Variants in RYR3 observed in about 807,000 individuals in gnomAD.
The protein encoded by RYR3 is brain ryanodine receptor-calcium release channel.
A neutral mutation model predicts 584.3 loss-of-function variants in RYR3; 207 were observed. The observed-to-expected ratio is 0.35, with a 90% CI of 0.32 to 0.40. RYR3 has a LOEUF of 0.40. Among genes scored for constraint, RYR3 ranks in the 10% least tolerant of loss-of-function variants. The pLI, the probability that RYR3 is intolerant of heterozygous loss-of-function variation, is 1.00. For missense variants in RYR3, 5,616 were observed against 6,089.2 expected (o/e 0.92, Z 2.59); for synonymous variants, 2,416 against 2,248.5 (o/e 1.07, Z -2.11).
chr15:33,435,301 T>A (rs74244038), intron 1 of RYR3, among the ~76,000 whole-genome samples: 20,131 of 151,802 alleles, frequency 0.13, 1,572 homozygotes, highest in East Asian at 0.34. Context: ...TGTGTCATAC[T>A]CTCTGTATTT....
rs760323861 is a variant in RYR3, at chr15:33,818,627, C to A, written c.10649C>A (p.Pro3550His). Residue 3550 changes from proline (P) to histidine (H), a missense_variant, in exon 76 of 104, where the codon CCT becomes CAT. Coordinates refer to ENST00000634891, the MANE Select transcript of RYR3 (RefSeq NM_001036.6). ...EEEEEETEKQ[P>H]DPLHQIILYF... ...GAGGAGGAAGAGACAGAAAAACAAC[C>A]TGACCCACTACATCAGATCATTCTC... 1.2e-6 allele frequency: 2 copies of A among 1,613,964 alleles called. No individual in the cohort carries two copies. Among genetic ancestry groups the A allele is most frequent in the Middle Eastern group, 1.7e-4 (1 of 6,060 alleles).
intron 8 of RYR3, among the ~76,000 whole-genome samples, chr15:33,545,369 G>C (rs1377430248): frequency 6.6e-6 from 1 of 152,180 alleles, no homozygotes; most frequent in Non-Finnish European, 1.5e-5. Context: ...GATGGGAAGA[G>C]TGAAGTAGAT....
chr15:33,473,249 G>C lies in RYR3; in HGVS notation c.52-170G>C, dbSNP rs916656608. On this transcript the variant is annotated intron_variant, in intron 1 of 103. Coordinates refer to ENST00000634891, the MANE Select transcript of RYR3 (RefSeq NM_001036.6). ...TTCTGACTCACGGTAGATGCTCCGT[G>C]ATGTCCTGTGAATAAAAAATCTCCT... 8 of 809,784 alleles carry C rather than the reference G, an allele frequency of 9.9e-6. No individual in the cohort carries two copies. In the African/African-American group the frequency reaches 1.2e-4, roughly 12 times the overall value. 50.2% of individuals were successfully genotyped at this position (809,784 alleles called of 1,614,324 possible).
intron 87 of RYR3, among the ~76,000 whole-genome samples, chr15:33,835,447 C>T (rs551594697): frequency 6.6e-6 from 1 of 152,304 alleles, no homozygotes; most frequent in African/African-American, 2.4e-5. Context: ...CTGTAATCCA[C>T]ATCCCTCTTC....
In RYR3 at chr15:33,819,780, C is replaced by T. The variant is rs1029342661; in HGVS notation, c.10731C>T (p.Tyr3577=). The T allele has an allele frequency of 3.2e-6, 5 of 1,580,900 alleles. No individual in the cohort carries two copies. The African/African-American group carries it at 4.0e-5, about 13-fold the overall frequency. The change falls in exon 77 of 104, where the codon TAC becomes TAT. Residue 3577 remains tyrosine, a synonymous_variant. Coordinates refer to ENST00000634891, the MANE Select transcript of RYR3 (RefSeq NM_001036.6). ...GCAAATTGGAAGACGACCCTTTGTA[C>T]ACCTCCTATTCCAGCATGATGGCCA... The part of the protein sequence containing the change: ...ERSKLEDDPL[Y]TSYSSMMAKS...
chr15:33,358,818 C>T (rs926497755), intron 1 of RYR3, among the ~76,000 whole-genome samples: 2 of 152,166 alleles, frequency 1.3e-5, no homozygotes, highest in Non-Finnish European at 2.9e-5. Flanking sequence ...TCCTGAGGGA[C>T]GATGAGTGTT....
intron 1 of RYR3, among the ~76,000 whole-genome samples, chr15:33,315,771 G>T (rs1160544490): frequency 6.6e-6 from 1 of 152,202 alleles, no homozygotes; most frequent in Non-Finnish European, 1.5e-5. Context: ...CAGCAGTAGG[G>T]GGGTGGTGGC....
intron 12 of RYR3, among the ~76,000 whole-genome samples, chr15:33,568,609 T>C (rs1357378217): frequency 6.6e-6 from 1 of 152,190 alleles, no homozygotes; most frequent in African/African-American, 2.4e-5. Context: ...TTTTTAATTT[T>C]TTGTAGAGAT....
At chr15:33,748,554 A>T in intron 55 of RYR3, 24 bp downstream of exon 55, 1 of 1,600,840 alleles carries the variant, frequency 6.2e-7, no homozygotes, top group Non-Finnish European at 8.5e-7. Flanking sequence ...GTCCAGCATG[A>T]CTTGCTTTCA....
chr15:33,757,369 C>T, intron 59 of RYR3, 106 bp from the exon 60 acceptor site: 1 of 1,251,206 alleles, frequency 8.0e-7, no homozygotes, highest in Non-Finnish European at 1.1e-6. Flanking sequence ...AATTACAGGA[C>T]CAGGGTTCAG....
At chr15:33,382,267 T>C (rs2041241764) in intron 1 of RYR3, among the ~76,000 whole-genome samples, 1 of 151,716 alleles carries the variant, frequency 6.6e-6, no homozygotes, top group Non-Finnish European at 1.5e-5. Flanking sequence ...GGTTGTGCAT[T>C]AGTATAGGTA....
chr15:33,399,437 G>T (rs543124981), intron 1 of RYR3, among the ~76,000 whole-genome samples: 1 of 152,150 alleles, frequency 6.6e-6, no homozygotes, highest in South Asian at 2.1e-4. Context: ...TCAGGAGTTC[G>T]AGACCAGCCT....
chr15:33,350,296 C>T (rs1973070574), intron 1 of RYR3, among the ~76,000 whole-genome samples: 1 of 152,112 alleles, frequency 6.6e-6, no homozygotes, highest in African/African-American at 2.4e-5. Flanking sequence ...CTTAGACTCC[C>T]ACACATTAAT....
intron 9 of RYR3, among the ~76,000 whole-genome samples, chr15:33,549,846 G>C (rs1006496259): frequency 3.3e-5 from 5 of 152,166 alleles, no homozygotes; most frequent in Non-Finnish European, 7.3e-5. Context: ...GCTTCCCATT[G>C]ATTTGTGGTT....
chr15:33,773,844 G>A (rs2073805078), intron 64 of RYR3, among the ~76,000 whole-genome samples: 1 of 152,202 alleles, frequency 6.6e-6, no homozygotes, highest in Non-Finnish European at 1.5e-5. Context: ...AATGTATGTG[G>A]CTGGAGAAGC....
At chr15:33,547,202 A>C (rs1474793404) in intron 8 of RYR3, among the ~76,000 whole-genome samples, 1 of 152,200 alleles carries the variant, frequency 6.6e-6, no homozygotes, top group African/African-American at 2.4e-5. Flanking sequence ...GTTGAGACAC[A>C]TTTCACAAAA....
chr15:33,696,527 G>A, intron 39 of RYR3, 36 bp downstream of exon 39: 3 of 1,602,650 alleles, frequency 1.9e-6, no homozygotes, highest in Non-Finnish European at 2.6e-6. Context: ...TTCTCTCTAG[G>A]AGCTTTAAGT....
At chr15:33,804,880 G>A (rs886325207) in intron 69 of RYR3, among the ~76,000 whole-genome samples, 1 of 152,158 alleles carries the variant, frequency 6.6e-6, no homozygotes, top group African/African-American at 2.4e-5. Flanking sequence ...GCTTTGTGGA[G>A]GTATGTGTAT....
chr15:33,861,846 AAC>A (rs2153020218), intron 102 of RYR3, among the ~76,000 whole-genome samples: 1 of 152,014 alleles, frequency 6.6e-6, no homozygotes, highest in East Asian at 1.9e-4. Context: ...GCTGGTCTTG[AAC>A]TCCTGACCTC....
Sources: gnomAD v4.1 joint callset for allele counts (sites outside exome capture counted in the v4.1 genomes callset) on GRCh38, gnomAD v4.1.1 for gene constraint, MANE v1.5 for transcripts, NCBI Gene and HGNC (gene_info 2026-07-23, HGNC 2026-07-21) for gene names.